DDC: variants seen among roughly 807,000 people sequenced by gnomAD.
The protein encoded by DDC is dopa decarboxylase.
DDC carries 43 observed loss-of-function variants against 60.0 expected under a neutral mutation model. That is an observed-to-expected ratio of 0.72 (90% CI 0.56 to 0.92). The LOEUF (loss-of-function observed/expected upper bound fraction) is 0.92. DDC is among the 40% of genes least tolerant of loss of function. The pLI is 0.00. For missense variants in DDC, 573 were observed against 620.2 expected, an observed-to-expected ratio of 0.92 and a Z score of 0.81; for synonymous variants, 232 against 234.6, an observed-to-expected ratio of 0.99 and a Z score of 0.10.
At chr7:50,565,111 C>T (rs541325171) in intron 1 of DDC, among the ~76,000 whole-genome samples, 174 bp downstream of exon 1, 41 of 152,286 alleles carry the variant, frequency 2.7e-4, no homozygotes, top group South Asian at 6.2e-4. Flanking sequence ...AGTGCACAGC[C>T]CCCACTGAAC....
rs566350849 is a variant in DDC, at chr7:50,460,711, A to T, written c.*19-1868T>A. Among the ~76,000 whole-genome samples, 104 of 151,760 alleles carry T rather than the reference A, an allele frequency of 6.9e-4. 7 individuals carry two copies. Among genetic ancestry groups the T allele is most frequent in the African/African-American group, 2.1e-3 (87 of 41,014 alleles). On this transcript the variant is annotated intron_variant, in intron 14 of 14. Coordinates refer to ENST00000444124, the MANE Select transcript of DDC (RefSeq NM_001082971.2). ...TTCATTTTGTTCTGTACTAAGAAAA[A>T]TTCTTCTGCCTCGTGATCCTGTTGA...
chr7:50,541,924 T>C (rs1357555057), intron 2 of DDC, among the ~76,000 whole-genome samples: 3 of 152,120 alleles, frequency 2.0e-5, no homozygotes, highest in Non-Finnish European at 4.4e-5. Context: ...GTAAGGTTTA[T>C]TTAACAACCA....
At chr7:50,470,268 C>T (rs987518490) in intron 11 of DDC, 97 bp from the exon 12 acceptor site, 21 of 929,184 alleles carry the variant, frequency 2.3e-5, no homozygotes, top group African/African-American at 8.1e-5. Context: ...TGGAGGCAGC[C>T]GATTCCCTGG....
chr7:50,501,353 A>G (rs1356547282), intron 7 of DDC, among the ~76,000 whole-genome samples: 1 of 151,938 alleles, frequency 6.6e-6, no homozygotes, highest in Admixed American at 6.6e-5. Context: ...CAGTTTCCCC[A>G]CTTCCCCATC....
intron 9 of DDC, among the ~76,000 whole-genome samples, chr7:50,490,225 G>T (rs557942319): frequency 1.3e-5 from 2 of 152,254 alleles, no homozygotes; most frequent in African/African-American, 2.4e-5. Context: ...TCCTTTACAG[G>T]GTCCTGACCT....
chr7:50,460,589 C>A (rs1026065685), intron 14 of DDC, among the ~76,000 whole-genome samples: 2 of 151,374 alleles, frequency 1.3e-5, no homozygotes, highest in Admixed American at 6.6e-5. Flanking sequence ...ATGACAATGG[C>A]GGTTTTGTGG....
At chr7:50,466,025 A>G (rs1007185869) in intron 13 of DDC, among the ~76,000 whole-genome samples, 2 of 152,208 alleles carry the variant, frequency 1.3e-5, no homozygotes, top group African/African-American at 4.8e-5. Context: ...CTCGCCTCAG[A>G]GCTCCAAGAG....
intron 14 of DDC, among the ~76,000 whole-genome samples, chr7:50,461,414 A>G (rs1562975896): frequency 6.6e-6 from 1 of 152,276 alleles, no homozygotes. Context: ...ACATACATGC[A>G]TTAGGACTTA....
rs751298453 is a variant in DDC, at chr7:50,499,249, T to C, written c.782-7A>G. ...CATATGTCTTCCTTGTTGCCTAAAGTTCAGAATCAACTTGTGAGTCCCCAG... is the reference window on the plus strand; with the variant it reads ...CATATGTCTTCCTTGTTGCCTAAAGCTCAGAATCAACTTGTGAGTCCCCAG... On this transcript the variant is annotated splice_polypyrimidine_tract_variant and splice_region_variant and intron_variant, in intron 7 of 14. Transcript: ENST00000444124. The C allele has an allele frequency of 1.9e-6, 3 of 1,609,220 alleles. No homozygotes were observed. The highest frequency in any genetic ancestry group is 2.5e-6 in the Non-Finnish European group (3 of 1,177,366).
intron 1 of DDC, chr7:50,563,864 A>G (rs1416417976): frequency 6.6e-6 from 1 of 152,164 alleles, no homozygotes; most frequent in Non-Finnish European, 1.5e-5. Context: ...AGCCTCCCCA[A>G]ATGCTGGGAT....
At chr7:50,463,182 A>T (rs777895861) in intron 14 of DDC, 31 bp downstream of exon 14, 4 of 1,541,004 alleles carry the variant, frequency 2.6e-6, no homozygotes, top group Non-Finnish European at 3.5e-6. Context: ...GGACAAGGAG[A>T]CAGGCAGAAA....
At position 50,466,362 on chromosome 7, in the gene DDC, G is replaced by C. The variant is rs568091219; in HGVS notation, c.1242+852C>G. ...TAGCTGGGCGTGGTGGCGCACACCT[G>C]TAATCCCAGCTACTCAAAAGGCTGA... is the stretch of plus-strand genomic sequence containing the variant. On this transcript the variant is annotated intron_variant, in intron 13 of 14. Coordinates refer to ENST00000444124, the MANE Select transcript of DDC (RefSeq NM_001082971.2). Among the ~76,000 whole-genome samples the C allele has an allele frequency of 2.1e-3, 327 of 152,110 alleles. 1 individual carries two copies. Among genetic ancestry groups the C allele is most frequent in the Non-Finnish European group, 3.6e-3 (243 of 67,974 alleles).
chr7:50,528,916 C>T (rs973521181), intron 5 of DDC, among the ~76,000 whole-genome samples: 1 of 152,132 alleles, frequency 6.6e-6, no homozygotes, highest in Non-Finnish European at 1.5e-5. Flanking sequence ...TATCTAGTTT[C>T]TCTGCAATGG....
chr7:50,529,057 A>G (rs926616346), intron 5 of DDC, 151 bp downstream of exon 5: 28 of 1,037,850 alleles, frequency 2.7e-5, no homozygotes, highest in Non-Finnish European at 4.2e-5. Context: ...CCAAGAATCC[A>G]CCCCTTCCCT....
chr7:50,466,744 G>A (rs2042407685), intron 13 of DDC, among the ~76,000 whole-genome samples: 1 of 152,208 alleles, frequency 6.6e-6, no homozygotes. Context: ...GTGTCAAACA[G>A]ACTCCTGTGT....
intron 9 of DDC, chr7:50,493,004 A>G (rs1323829623): frequency 6.3e-7 from 1 of 1,597,224 alleles, no homozygotes; most frequent in Non-Finnish European, 8.5e-7. Flanking sequence ...GGTTGTCTGG[A>G]CCTGAGGGCA....
chr7:50,521,178 A>C (rs974817060), intron 6 of DDC, among the ~76,000 whole-genome samples: 1 of 152,094 alleles, frequency 6.6e-6, no homozygotes, highest in African/African-American at 2.4e-5. Context: ...AATGGATTCC[A>C]AGGCCACAAA....
At chr7:50,462,532 C>T (rs1308456341) in intron 14 of DDC, among the ~76,000 whole-genome samples, 1 of 152,148 alleles carries the variant, frequency 6.6e-6, no homozygotes, top group Non-Finnish European at 1.5e-5. Flanking sequence ...GACGGCAAGT[C>T]GTGAGTCATA....
chr7:50,472,177 A>G (rs530522978), intron 11 of DDC, among the ~76,000 whole-genome samples: 1 of 152,276 alleles, frequency 6.6e-6, no homozygotes, highest in South Asian at 2.1e-4. Flanking sequence ...CTCCTGCCAG[A>G]CTAAGTTCCC....
Sources: allele counts gnomAD v4.1 joint callset (sites outside exome capture counted in the v4.1 genomes callset), GRCh38; gene constraint gnomAD v4.1.1; transcripts MANE v1.5; gene names NCBI Gene and HGNC (gene_info 2026-07-23, HGNC 2026-07-21).